The following ANKRD11 variants were observed in gnomAD, a reference collection of about 807,000 sequenced individuals.
ANKRD11 encodes ankyrin repeat domain 11, also known as ankyrin repeat domain-containing protein 11.
Under a neutral mutation model 195.7 loss-of-function variants are expected in ANKRD11, and 17 were observed. The ratio of observed to expected loss-of-function variants is 0.09; its 90% CI spans 0.06 to 0.13. The LOEUF (loss-of-function observed/expected upper bound fraction) is 0.13, where lower values mean the gene tolerates loss of function less well. Among genes scored for constraint, ANKRD11 ranks in the 10% least tolerant of loss-of-function variants. The probability of loss-of-function intolerance (pLI) is 1.00; values close to 1 mark genes in which losing one functional copy is unlikely to be tolerated. For missense variants in ANKRD11, 3,735 were observed against 3,566.1 expected, an observed-to-expected ratio of 1.05 and a Z score of -1.21; for synonymous variants, 1,953 against 1,528.1, an observed-to-expected ratio of 1.28 and a Z score of -6.49.
At position 89,428,254 on chromosome 16, in the gene ANKRD11, G is replaced by A. The variant is rs535478976; in HGVS notation, c.-144-9886C>T. On this transcript the variant is annotated intron_variant, in intron 1 of 12. Transcript: ENST00000301030. The stretch of plus-strand genomic sequence containing the variant: ...AAAATAAAATTCTTTGGCCGGGCAC[G>A]GTGGTTCACGCCTATAATCCCAGCA... 4.0e-4 allele frequency among the ~76,000 whole-genome samples: 59 copies of A among 148,764 alleles called. No homozygotes were observed. The South Asian group carries it at 0.01, about 26-fold the overall frequency.
At chr16:89,346,106 G>C (rs554296733) in intron 2 of ANKRD11, among the ~76,000 whole-genome samples, 9 of 151,898 alleles carry the variant, frequency 5.9e-5, no homozygotes, top group African/African-American at 2.2e-4. Flanking sequence ...AAAATTAGCC[G>C]GGCGTGGTGC....
rs1033436104 is a variant in ANKRD11, at chr16:89,426,719, C to T, written c.-144-8351G>A. On this transcript the variant is annotated intron_variant, in intron 1 of 12. Transcript: ENST00000301030. ...TCTAATGGCAAAACTCAAAAGGAAA[C>T]ATGAATATACTGTGATCTACTTGTC... is the stretch of plus-strand genomic sequence containing the variant. Among the ~76,000 whole-genome samples the T allele has an allele frequency of 7.2e-5, 11 of 152,186 alleles. No homozygotes were observed. In the East Asian group the frequency reaches 1.9e-3, roughly 27 times the overall value.
At position 89,291,283 on chromosome 16, in the gene ANKRD11, C is replaced by G; in HGVS notation, c.227-100G>C. 1 of 1,403,534 alleles carries G rather than the reference C, an allele frequency of 7.1e-7. No homozygotes were observed. Among genetic ancestry groups the G allele is most frequent in the South Asian group, 1.2e-5 (1 of 83,618 alleles). The allele number at this position is 1,403,534 out of a possible 1,614,324, so 86.9% of individuals were successfully genotyped here. A position where few individuals can be genotyped will look rare whatever the true frequency, so the allele number is the denominator to read the frequency against. ...ATGTTACGGAGCCCCCTGCGTCCAC[C>G]TGACAGCTGACAGAGCAGAAAGGAA... On this transcript the variant is annotated intron_variant, in intron 4 of 12. Transcript: ENST00000301030. The surrounding 1 kb of genome is among the most constrained non-coding windows in gnomAD (Gnocchi z 5.3).
chr16:89,448,697 T>TA (rs575198210), intron 1 of ANKRD11, among the ~76,000 whole-genome samples: 22 of 152,324 alleles, frequency 1.4e-4, no homozygotes, highest in Admixed American at 6.5e-4. Context: ...AAAGTAAAGT[T>TA]AAACTGCTTC....
Position 89,397,889 on chromosome 16 carries a change from T to C in ANKRD11, c.-60+20395A>G, listed in dbSNP as rs147783233. Among the ~76,000 whole-genome samples, 42 of 152,342 alleles carry C rather than the reference T, an allele frequency of 2.8e-4. No individual in the cohort carries two copies. The East Asian group carries it at 5.4e-3, about 20-fold the overall frequency. ...AACCTTCGTCCTGGGCATGGGACTC[T>C]CCATCCCTGGTCAAAGCAGGTGCCT... On this transcript the variant is annotated intron_variant, in intron 2 of 12. Coordinates refer to ENST00000301030, the MANE Select transcript of ANKRD11 (RefSeq NM_013275.6).
chr16:89,305,721 CCA>C (rs1477668361), intron 3 of ANKRD11, among the ~76,000 whole-genome samples: 9 of 141,358 alleles, frequency 6.4e-5, no homozygotes, highest in East Asian at 2.1e-4. Flanking sequence ...GCGCCACCTC[CCA>C]CTCCGCAGAC....
At chr16:89,401,628 G>A (rs1567753740) in intron 2 of ANKRD11, among the ~76,000 whole-genome samples, 1 of 152,044 alleles carries the variant, frequency 6.6e-6, no homozygotes, top group Non-Finnish European at 1.5e-5. Flanking sequence ...CCCAAGAATG[G>A]TATGTTGAAG....
intron 2 of ANKRD11, among the ~76,000 whole-genome samples, chr16:89,416,273 CAG>C (rs1315010556): frequency 6.6e-6 from 1 of 152,056 alleles, no homozygotes; most frequent in East Asian, 1.9e-4. Flanking sequence ...CCCCTTTAAT[CAG>C]AGAAGCCTGT....
chr16:89,324,296 C>T, intron 2 of ANKRD11: 2 of 1,263,168 alleles, frequency 1.6e-6, no homozygotes, highest in Non-Finnish European at 1.0e-6. Context: ...GAACACGGAC[C>T]ACCCGACAGG....
rs1555529022 is a variant in ANKRD11, at chr16:89,284,007, C to A, written c.2535G>T (p.Leu845Phe). The A allele has an allele frequency of 6.2e-7, 1 of 1,614,134 alleles. No individual in the cohort carries two copies. The highest frequency in any genetic ancestry group is 8.5e-7 in the Non-Finnish European group (1 of 1,180,038). The change falls in exon 9 of 13, where the codon TTG becomes TTT. Residue 845 changes from leucine to phenylalanine, a missense_variant. Coordinates refer to ENST00000301030, the MANE Select transcript of ANKRD11 (RefSeq NM_013275.6). ...DDQRDRWFSD[L>F]SDSSFDFKGE... ...CTTTGAAATCAAAGGATGAATCGGA[C>A]AAGTCAGAAAACCACCGATCTCGCT...
At chr16:89,446,013 A>C (rs1057161566) in intron 1 of ANKRD11, among the ~76,000 whole-genome samples, 8 of 151,932 alleles carry the variant, frequency 5.3e-5, no homozygotes, top group African/African-American at 1.2e-4. Flanking sequence ...AAAAAAAAAA[A>C]AAAAAAACCA....
intron 2 of ANKRD11, chr16:89,403,479 G>C (rs2041786342): frequency 6.6e-6 from 1 of 152,076 alleles, no homozygotes; most frequent in South Asian, 2.1e-4. Flanking sequence ...CTCTGGGAGG[G>C]CACCCCCAGG....
intron 1 of ANKRD11, among the ~76,000 whole-genome samples, chr16:89,426,653 A>C (rs1181268141): frequency 6.6e-6 from 1 of 152,126 alleles, no homozygotes; most frequent in Non-Finnish European, 1.5e-5. Flanking sequence ...ATTTATTTCT[A>C]GCTCTTAGTA....
At chr16:89,339,355 G>A (rs925169595) in intron 2 of ANKRD11, among the ~76,000 whole-genome samples, 3 of 152,142 alleles carry the variant, frequency 2.0e-5, no homozygotes, top group Admixed American at 6.5e-5. Context: ...GCTTACACTA[G>A]CAAACAAACA....
chr16:89,320,538 C>T (rs1240457690), intron 2 of ANKRD11, among the ~76,000 whole-genome samples: 1 of 152,206 alleles, frequency 6.6e-6, no homozygotes, highest in East Asian at 1.9e-4. Context: ...CCCCAGGCCA[C>T]GCATTCCTTG....
At chr16:89,290,597 T>C in intron 6 of ANKRD11, 28 bp downstream of exon 6, 1 of 1,608,102 alleles carries the variant, frequency 6.2e-7, no homozygotes, top group South Asian at 1.1e-5. Context: ...TGGGGCTCTC[T>C]GGCCCTTGCC....
At chr16:89,456,229 G>C (rs1452471312) in intron 1 of ANKRD11, among the ~76,000 whole-genome samples, 2 of 146,614 alleles carry the variant, frequency 1.4e-5, no homozygotes, top group African/African-American at 5.0e-5. Flanking sequence ...AACAGAACAA[G>C]ATTCGGTCCC....
chr16:89,441,780 A>AC (rs1244599135), intron 1 of ANKRD11, among the ~76,000 whole-genome samples: 1 of 148,744 alleles, frequency 6.7e-6, no homozygotes, highest in African/African-American at 2.5e-5. Flanking sequence ...AAAAAAAAAA[A>AC]AAAAAAAAAA....
At chr16:89,331,930 C>T (rs1053637100) in intron 2 of ANKRD11, among the ~76,000 whole-genome samples, 5 of 152,030 alleles carry the variant, frequency 3.3e-5, no homozygotes, top group South Asian at 2.1e-4. Context: ...TGCTGGGAAC[C>T]GTCATCACCA....
Sources: gnomAD v4.1 joint callset for allele counts (sites outside exome capture counted in the v4.1 genomes callset) on GRCh38, gnomAD v4.1.1 for gene constraint, Gnocchi (gnomAD v3.1) non-coding constraint, MANE v1.5 for transcripts, NCBI Gene and HGNC (gene_info 2026-07-23, HGNC 2026-07-21) for gene names.